LYST: variants seen among roughly 807,000 people sequenced by gnomAD.
LYST encodes the protein lysosomal trafficking regulator.
LYST carries 192 observed loss-of-function variants against 413.6 expected under a neutral mutation model. That is an observed-to-expected ratio of 0.46 (90% confidence interval 0.41 to 0.52). The LOEUF (loss-of-function observed/expected upper bound fraction) is 0.52. LYST is among the 20% of genes least tolerant of loss of function. The pLI, the probability that LYST is intolerant of heterozygous loss-of-function variation, is 0.00. For missense variants in LYST, 3,815 were observed against 4,499.9 expected, an observed-to-expected ratio of 0.85 and a Z score of 4.35; for synonymous variants, 1,525 against 1,567.3, an observed-to-expected ratio of 0.97 and a Z score of 0.64.
chr1:235,781,035 C>T lies in LYST; in HGVS notation c.5044G>A (p.Glu1682Lys). The part of the protein sequence containing the change: ...LFNGAKVGSQ[E>K]AFYLYACGPN... ...CCACAAGCATACAGATAAAAGGCCT[C>T]TTGTGAACCAACCTTAGCTCCTGAA... The change falls in exon 16 of 53, where the codon GAG becomes AAG. Residue 1682 changes from glutamate (E) to lysine (K), a missense_variant. Transcript: ENST00000389793. The T allele has an allele frequency of 3.1e-6, 5 of 1,611,034 alleles. No individual in the cohort carries two copies. The highest frequency in any genetic ancestry group is 4.2e-6 in the Non-Finnish European group (5 of 1,177,864).
At chr1:235,804,409 G>T in intron 7 of LYST, 95 bp downstream of exon 7, 1 of 945,708 alleles carries the variant, frequency 1.1e-6, no homozygotes, top group Non-Finnish European at 1.7e-6. Context: ...TAGTCCATAT[G>T]CTCTAATGAC....
At position 235,681,614 on chromosome 1, in the gene LYST, G is replaced by C. The variant is rs138559990; in HGVS notation, c.10801-3995C>G. ...ATGCAAAGGAATGAGCTGGGGCAAT[G>C]GTCAGGGGGACATCTGGAGGAGACA... On this transcript the variant is annotated intron_variant, in intron 48 of 52. Coordinates refer to ENST00000389793, the MANE Select transcript of LYST (RefSeq NM_000081.4). Among the ~76,000 whole-genome samples, 18 of 152,204 alleles carry C rather than the reference G, an allele frequency of 1.2e-4. No individual in the cohort carries two copies. In the East Asian group the frequency reaches 3.3e-3, roughly 28 times the overall value.
At position 235,663,421 on chromosome 1, in the gene LYST, C is replaced by G. The variant is rs763895163; in HGVS notation, c.11268-343G>C. The stretch of plus-strand genomic sequence containing the variant: ...CAAAACTTTTAAAAATATAACAGTA[C>G]TATATTTTCTCCTTATAAAGATAAA... On this transcript the variant is annotated intron_variant, in intron 52 of 52. Coordinates refer to ENST00000389793, the MANE Select transcript of LYST (RefSeq NM_000081.4). 7.9e-5 allele frequency among the ~76,000 whole-genome samples: 12 copies of G among 152,022 alleles called. No individual in the cohort carries two copies. In the South Asian group the frequency reaches 1.7e-3, roughly 21 times the overall value.
intron 13 of LYST, 54 bp from the exon 14 acceptor site, chr1:235,787,427 T>C: frequency 7.6e-7 from 1 of 1,323,168 alleles, no homozygotes; most frequent in Non-Finnish European, 1.1e-6. Flanking sequence ...CTGACCTCAG[T>C]GTTTAACATA....
chr1:235,726,853 G>C (rs1454270719), intron 38 of LYST, among the ~76,000 whole-genome samples: 2 of 152,108 alleles, frequency 1.3e-5, no homozygotes, highest in Admixed American at 6.5e-5. Flanking sequence ...AAATTGAGTA[G>C]AATTTTTAAG....
intron 3 of LYST, among the ~76,000 whole-genome samples, chr1:235,815,920 C>T (rs1674009092): frequency 1.3e-5 from 2 of 151,710 alleles, no homozygotes; most frequent in Non-Finnish European, 2.9e-5. Context: ...ATCACAAGGT[C>T]AAGAGATCGA....
intron 13 of LYST, 34 bp from the exon 14 acceptor site, chr1:235,787,407 C>T: frequency 6.4e-7 from 1 of 1,571,120 alleles, no homozygotes; most frequent in African/African-American, 1.3e-5. Flanking sequence ...AGGCTGAAAA[C>T]ATGAAAATTC....
At chr1:235,783,397 T>C (rs1670068974) in intron 14 of LYST, among the ~76,000 whole-genome samples, 2 of 152,182 alleles carry the variant, frequency 1.3e-5, no homozygotes. Flanking sequence ...TAAAATAGTT[T>C]TAAATTTTTT....
rs1369714185 is a variant in LYST at position 235,751,370 on chromosome 1, C to T, written c.7628-8G>A. ...GTAGTGCAACAGCCATATCTAAAAACAGAAGATACTAGAATGTTTTCAAGC... is the reference window on the plus strand; with the variant it reads ...GTAGTGCAACAGCCATATCTAAAAATAGAAGATACTAGAATGTTTTCAAGC... On this transcript the variant is annotated splice_region_variant and splice_polypyrimidine_tract_variant and intron_variant, in intron 27 of 52. Transcript: ENST00000389793. 11 of 1,611,646 alleles carry T rather than the reference C, an allele frequency of 6.8e-6. No individual in the cohort carries two copies. The highest frequency in any genetic ancestry group is 9.3e-6 in the Non-Finnish European group (11 of 1,178,324).
intron 1 of LYST, among the ~76,000 whole-genome samples, chr1:235,882,385 T>G (rs1235736995): frequency 6.6e-6 from 1 of 152,210 alleles, no homozygotes; most frequent in Admixed American, 6.5e-5. Flanking sequence ...CTGTGTGCCA[T>G]GCGGAAGCTT....
intron 3 of LYST, among the ~76,000 whole-genome samples, chr1:235,819,496 G>C (rs1674517679): frequency 1.3e-5 from 2 of 152,070 alleles, no homozygotes; most frequent in South Asian, 4.2e-4. Flanking sequence ...AGAATCCAGG[G>C]GAATGAGGTG....
chr1:235,806,908 A>T (rs545497564), intron 5 of LYST, 136 bp from the exon 6 acceptor site: 1 of 668,212 alleles, frequency 1.5e-6, no homozygotes, highest in Non-Finnish European at 2.6e-6. Flanking sequence ...ATCAATTATC[A>T]GGCTAAAGTT....
At chr1:235,824,125 T>C (rs1317400653) in intron 3 of LYST, among the ~76,000 whole-genome samples, 1 of 152,234 alleles carries the variant, frequency 6.6e-6, no homozygotes, top group East Asian at 1.9e-4. Flanking sequence ...AGTACTCTCC[T>C]ACATAGAAAA....
chr1:235,831,555 A>C (rs3768069), intron 2 of LYST, among the ~76,000 whole-genome samples: 67,313 of 151,662 alleles, frequency 0.44, 16,145 homozygotes, highest in African/African-American at 0.61. Context: ...AGTAGATAAA[A>C]ATGAAAGGGA....
chr1:235,706,340 AT>A (rs915776727), intron 44 of LYST, among the ~76,000 whole-genome samples: 4 of 152,164 alleles, frequency 2.6e-5, no homozygotes, highest in African/African-American at 4.8e-5. Context: ...AAGCACCCTC[AT>A]TTCAGAAGAC....
intron 16 of LYST, among the ~76,000 whole-genome samples, chr1:235,778,532 G>A (rs1261504477): frequency 2.0e-5 from 3 of 151,722 alleles, no homozygotes; most frequent in African/African-American, 7.3e-5. Flanking sequence ...ATGCCACCAC[G>A]CCCAGCTAAT....
intron 10 of LYST, among the ~76,000 whole-genome samples, chr1:235,793,954 T>C (rs1274035743): frequency 6.6e-6 from 1 of 152,070 alleles, no homozygotes; most frequent in Admixed American, 6.6e-5. Flanking sequence ...TGCCTCAGCC[T>C]CCCGAGGAGC....
chr1:235,695,970 C>A (rs1353713089), intron 46 of LYST, among the ~76,000 whole-genome samples: 3 of 152,118 alleles, frequency 2.0e-5, no homozygotes, highest in African/African-American at 7.2e-5. Flanking sequence ...AAATAATTCA[C>A]ACATGTTGGT....
At chr1:235,771,413 C>T (rs937328548) in intron 19 of LYST, among the ~76,000 whole-genome samples, 2 of 152,084 alleles carry the variant, frequency 1.3e-5, no homozygotes, top group Admixed American at 6.6e-5. Flanking sequence ...CCCAAATTTG[C>T]CTGCTCTTTT....
Sources: allele counts gnomAD v4.1 joint callset (sites outside exome capture counted in the v4.1 genomes callset), GRCh38; gene constraint gnomAD v4.1.1; transcripts MANE v1.5; gene names NCBI Gene and HGNC (gene_info 2026-07-23, HGNC 2026-07-21).